ATP6V0A2: variants seen among roughly 807,000 people sequenced by gnomAD.
ATP6V0A2 encodes the protein V-type proton ATPase 116 kDa subunit a 2.
Under a neutral mutation model 104.4 loss-of-function variants are expected in ATP6V0A2, and 58 were observed. That is an observed-to-expected ratio of 0.56 (90% confidence interval 0.45 to 0.69). ATP6V0A2 has a LOEUF of 0.69. ATP6V0A2 is among the 30% of genes least tolerant of loss of function. The pLI is 0.00. For missense variants in ATP6V0A2, 938 were observed against 1,062.9 expected (o/e 0.88, Z 1.63); for synonymous variants, 376 against 397.9 (o/e 0.95, Z 0.65).
At position 123,744,223 on chromosome 12, in the gene ATP6V0A2, C is replaced by A. The variant is rs370742954; in HGVS notation, c.1212C>A (p.Phe404Leu). Residue 404 changes from phenylalanine to leucine, a missense_variant, in exon 11 of 20, where the codon TTC becomes TTA. By Grantham distance (22) the Phe-to-Leu change is conservative. Transcript: ENST00000330342. This position sits in a 1 kb window ranked among gnomAD's most constrained non-coding sequence, Gnocchi z 5.4. ...CAGCTCTCTTTACCATCATCACCTT[C>A]CCGTTTTTATTTGCTGTGATGTTTG... ...VNPALFTIIT[F>L]PFLFAVMFGD... 6.2e-7 allele frequency: 1 copy of A among 1,614,082 alleles called. No individual in the cohort carries two copies. Among genetic ancestry groups the A allele is most frequent in the Non-Finnish European group, 8.5e-7 (1 of 1,180,032 alleles).
Position 123,712,763 on chromosome 12 carries a change from G to T in ATP6V0A2, c.117+81G>T, listed in dbSNP as rs571330835. 1,041 of 1,247,438 alleles carry T rather than the reference G, an allele frequency of 8.3e-4. 5 individuals are homozygous for T. The African/African-American group carries it at 0.012, about 14-fold the overall frequency. The allele number at this position is 1,247,438 out of a possible 1,614,324, so 77.3% of individuals were successfully genotyped here. On this transcript the variant is annotated intron_variant, in intron 1 of 19. Transcript: ENST00000330342. ...CGCGCATCGCTGGGGCCCTCCCGCG[G>T]GGAGCACCGAGGAAGGGCGCGCCCC...
At chr12:123,717,201 G>A (rs1466614175) in intron 1 of ATP6V0A2, among the ~76,000 whole-genome samples, 1 of 151,452 alleles carries the variant, frequency 6.6e-6, no homozygotes, top group Admixed American at 6.6e-5. Flanking sequence ...TGTAATCCCA[G>A]CTACTCGGGA....
chr12:123,728,391 C>T (rs1262289300), intron 6 of ATP6V0A2, among the ~76,000 whole-genome samples: 1 of 128,380 alleles, frequency 7.8e-6, no homozygotes, highest in African/African-American at 3.0e-5. Context: ...GCCTCCTCAC[C>T]TGGCTTTTTT....
rs553405242 is a variant in ATP6V0A2, at chr12:123,716,804, G to A, written c.118-1819G>A. Among the ~76,000 whole-genome samples the A allele has an allele frequency of 4.2e-3, 625 of 150,240 alleles. 3 individuals carry two copies. Among genetic ancestry groups the A allele is most frequent in the African/African-American group, 0.014 (579 of 40,728 alleles). The stretch of plus-strand genomic sequence containing the variant: ...ATCCTGTCTCAAAAAAAAAAAAAAA[G>A]AGTTTATAGAGTCATGCATCCATTG... On this transcript the variant is annotated intron_variant, in intron 1 of 19. Coordinates refer to ENST00000330342, the MANE Select transcript of ATP6V0A2 (RefSeq NM_012463.4).
intron 2 of ATP6V0A2, among the ~76,000 whole-genome samples, chr12:123,720,425 G>A (rs1258474923): frequency 3.3e-5 from 5 of 152,306 alleles, no homozygotes; most frequent in African/African-American, 4.8e-5. Flanking sequence ...GGCTGGGCAC[G>A]ATGGCTCACG....
In ATP6V0A2 at chr12:123,744,999, C is replaced by A; in HGVS notation, c.1605+27C>A. On this transcript the variant is annotated intron_variant, in intron 13 of 19. Coordinates refer to ENST00000330342, the MANE Select transcript of ATP6V0A2 (RefSeq NM_012463.4). This position sits in a 1 kb window ranked among gnomAD's most constrained non-coding sequence, Gnocchi z 5.4. The stretch of plus-strand genomic sequence containing the variant: ...TGAGTGCACCACGCTCTGTCGTTGT[C>A]TCTGGATGCTCTGTGGTGCCACCTA... 6.2e-7 allele frequency: 1 copy of A among 1,600,852 alleles called. No individual in the cohort carries two copies. Among genetic ancestry groups the A allele is most frequent in the Middle Eastern group, 1.7e-4 (1 of 5,950 alleles).
intron 18 of ATP6V0A2, chr12:123,754,806 C>A: frequency 4.0e-6 from 2 of 495,176 alleles, no homozygotes; most frequent in Non-Finnish European, 7.3e-6. Flanking sequence ...CACTGAGACA[C>A]AAGGGGCTTT....
rs777322469 is a variant in ATP6V0A2 at position 123,718,615 on chromosome 12, TTTCTC to T, written c.118-7_118-3del. ...AAATTTAAACCATATTTTTCATCCT[TTTCTC>T]AGCTCAACCAGAACGTAAGTTCTTT... On this transcript the variant is annotated splice_region_variant and splice_polypyrimidine_tract_variant and intron_variant, in intron 1 of 19. Coordinates refer to ENST00000330342, the MANE Select transcript of ATP6V0A2 (RefSeq NM_012463.4). The T allele has an allele frequency of 1.0e-4, 166 of 1,605,596 alleles. No homozygotes were observed. Among genetic ancestry groups the T allele is most frequent in the Non-Finnish European group, 1.4e-4 (160 of 1,173,864 alleles).
At chr12:123,714,368 T>G (rs1956320462) in intron 1 of ATP6V0A2, among the ~76,000 whole-genome samples, 1 of 152,198 alleles carries the variant, frequency 6.6e-6, no homozygotes. Context: ...CAGTGTGTCT[T>G]CAGCCTGAGT....
intron 1 of ATP6V0A2, among the ~76,000 whole-genome samples, chr12:123,715,391 G>T (rs1956329877): frequency 6.6e-6 from 1 of 152,058 alleles, no homozygotes; most frequent in Non-Finnish European, 1.5e-5. Flanking sequence ...GAATGAGAAG[G>T]TGACAAACAG....
Position 123,712,668 on chromosome 12 carries a change from G to C in ATP6V0A2, c.103G>C (p.Val35Leu). The change falls in exon 1 of 20, where the codon GTC (valine) becomes CTC (leucine). Residue 35 changes from valine (V) to leucine (L), a missense_variant. By Grantham distance (32) the Val-to-Leu change is conservative. Transcript: ENST00000330342. ...CAGCGCCCTGGGCGAGAAAGGCCTG[G>C]TCCAGTTCCGAGACGTGAGTGTCGC... The part of the protein sequence containing the change: ...CLSALGEKGL[V>L]QFRDLNQNVS... 1 of 1,610,246 alleles carries C rather than the reference G, an allele frequency of 6.2e-7. No homozygotes were observed. Among genetic ancestry groups the C allele is most frequent in the Non-Finnish European group, 8.5e-7 (1 of 1,178,950 alleles).
At chr12:123,757,722 T>G (rs1956777837) in intron 19 of ATP6V0A2, among the ~76,000 whole-genome samples, 1 of 152,190 alleles carries the variant, frequency 6.6e-6, no homozygotes, top group Admixed American at 6.5e-5. Context: ...AGCGGATGTG[T>G]CAGAGTTTCT....
intron 19 of ATP6V0A2, 104 bp downstream of exon 19, chr12:123,757,090 G>GA: frequency 8.0e-7 from 1 of 1,248,420 alleles, no homozygotes; most frequent in South Asian, 1.2e-5. Context: ...ATCTAATGCT[G>GA]AATTTAGGCC....
In ATP6V0A2 at chr12:123,744,045, A is replaced by G; in HGVS notation, c.1189+110A>G. Reference sequence around the variant, plus strand: ...AGAGGCTGACCATTACTTTTTTGCTATCTTATTTAAAAGTATAAGGTTTTA... The same window carrying G: ...AGAGGCTGACCATTACTTTTTTGCTGTCTTATTTAAAAGTATAAGGTTTTA... On this transcript the variant is annotated intron_variant, in intron 10 of 19. Coordinates refer to ENST00000330342, the MANE Select transcript of ATP6V0A2 (RefSeq NM_012463.4). This position sits in a 1 kb window ranked among gnomAD's most constrained non-coding sequence, Gnocchi z 5.4. 6.4e-7 allele frequency: 1 copy of G among 1,554,380 alleles called. No homozygotes were observed. The highest frequency in any genetic ancestry group is 8.9e-7 in the Non-Finnish European group (1 of 1,127,270).
chr12:123,718,185 G>T (rs1956362861), intron 1 of ATP6V0A2, among the ~76,000 whole-genome samples: 1 of 151,938 alleles, frequency 6.6e-6, no homozygotes, highest in Non-Finnish European at 1.5e-5. Flanking sequence ...CCGCCTCCTG[G>T]GTTCAAGCAA....
At chr12:123,730,694 A>C (rs192101912) in intron 6 of ATP6V0A2, 14 of 152,264 alleles carry the variant, frequency 9.2e-5, no homozygotes, top group African/African-American at 3.1e-4. Context: ...TTTTTTCTTT[A>C]TTAAGAGAAA....
chr12:123,725,682 A>T (rs912724527), intron 4 of ATP6V0A2, among the ~76,000 whole-genome samples: 5 of 151,978 alleles, frequency 3.3e-5, no homozygotes, highest in African/African-American at 9.7e-5. Flanking sequence ...GCTACCAAGG[A>T]GGCTGAGGTG....
intron 5 of ATP6V0A2, among the ~76,000 whole-genome samples, chr12:123,727,336 T>A (rs1313851393): frequency 6.6e-6 from 1 of 151,622 alleles, no homozygotes; most frequent in Non-Finnish European, 1.5e-5. Context: ...TCGCCCAGGC[T>A]AGAGTGCAGT....
In ATP6V0A2 at chr12:123,737,270, C is replaced by T. The variant is rs780264944; in HGVS notation, c.1037C>T (p.Ser346Leu). The T allele has an allele frequency of 1.1e-5, 17 of 1,613,720 alleles. No individual in the cohort carries two copies. The highest frequency in any genetic ancestry group is 9.4e-5 in the African/African-American group (7 of 74,822). Residue 346 changes from serine (S) to leucine (L), a missense_variant and splice_region_variant, in exon 9 of 20, where the codon TCG (serine) becomes TTG (leucine). By Grantham distance (145) the Ser-to-Leu change is moderately radical. Transcript: ENST00000330342. ...CTGCGCCGGGCACTGGAGGAGGGCT[C>T]GGTAAGGCTGCCTTCCTCTCCTCTG... is the stretch of plus-strand genomic sequence containing the variant. ...QDLRRALEEG[S>L]RESGATIPSF...
Sources: gnomAD v4.1 joint callset for allele counts (sites outside exome capture counted in the v4.1 genomes callset) on GRCh38, gnomAD v4.1.1 for gene constraint, Gnocchi (gnomAD v3.1) non-coding constraint, MANE v1.5 for transcripts, NCBI Gene and HGNC (gene_info 2026-07-23, HGNC 2026-07-21) for gene names.